The following RYK variants were observed in gnomAD, a reference collection of about 807,000 sequenced individuals.
RYK encodes the protein inactive tyrosine-protein kinase RYK.
A neutral mutation model predicts 70.2 loss-of-function variants in RYK; 21 were observed. That is an observed-to-expected ratio of 0.30 (90% confidence interval 0.21 to 0.43). The LOEUF (loss-of-function observed/expected upper bound fraction) is 0.43. Among genes scored for constraint, RYK ranks in the 20% least tolerant of loss-of-function variants. RYK has a pLI of 1.00. For synonymous variants in RYK, 267 were observed against 278.0 expected (o/e 0.96, Z 0.39); for missense variants, 604 against 753.3 (o/e 0.80, Z 2.32).
intron 13 of RYK, chr3:134,170,375 G>A (rs2012858124): frequency 6.6e-6 from 1 of 152,206 alleles, no homozygotes; most frequent in African/African-American, 2.4e-5. Flanking sequence ...TGATGTTAAA[G>A]TAATTCTCCT....
chr3:134,221,258 G>A (rs2014729058), intron 2 of RYK, among the ~76,000 whole-genome samples: 1 of 133,122 alleles, frequency 7.5e-6, no homozygotes, highest in Non-Finnish European at 1.5e-5. Flanking sequence ...AGGATGGAGT[G>A]CAGTGGTGCG....
intron 7 of RYK, among the ~76,000 whole-genome samples, chr3:134,193,663 A>G (rs2013720867): frequency 2.0e-5 from 3 of 152,206 alleles, no homozygotes; most frequent in South Asian, 2.1e-4. Context: ...GTATTTCCTA[A>G]AAAGCATATA....
intron 13 of RYK, among the ~76,000 whole-genome samples, chr3:134,170,225 G>A (rs1387236420): frequency 6.6e-6 from 1 of 152,184 alleles, no homozygotes; most frequent in African/African-American, 2.4e-5. Flanking sequence ...AAAGAAAAAT[G>A]TGAGCACTTT....
intron 1 of RYK, among the ~76,000 whole-genome samples, chr3:134,250,011 T>A (rs1259198515): frequency 6.8e-6 from 1 of 148,056 alleles, no homozygotes; most frequent in Non-Finnish European, 1.5e-5. Flanking sequence ...GTTTGCAAGT[T>A]CAGTCTAAAA....
intron 13 of RYK, among the ~76,000 whole-genome samples, chr3:134,174,814 C>G (rs2013040345): frequency 6.6e-6 from 1 of 151,600 alleles, no homozygotes; most frequent in Non-Finnish European, 1.5e-5. Flanking sequence ...GCAAAACCAC[C>G]CAGAAACTTG....
intron 2 of RYK, among the ~76,000 whole-genome samples, chr3:134,218,986 C>CA (rs1221358721): frequency 6.6e-6 from 1 of 151,770 alleles, no homozygotes. Context: ...TCATACCCTC[C>CA]AAAAAAAATC....
At chr3:134,192,080 G>GT in intron 7 of RYK, 106 bp from the exon 8 acceptor site, 1 of 1,078,244 alleles carries the variant, frequency 9.3e-7, no homozygotes, top group East Asian at 2.5e-5. Flanking sequence ...AGGAATGAGT[G>GT]TAAGAATCAT....
At chr3:134,205,240 T>C (rs909320823) in intron 5 of RYK, among the ~76,000 whole-genome samples, 3 of 152,156 alleles carry the variant, frequency 2.0e-5, no homozygotes, top group African/African-American at 4.8e-5. Context: ...AACTGACAGA[T>C]ATACAAGTTT....
At chr3:134,203,600 A>C (rs1330610421) in intron 5 of RYK, among the ~76,000 whole-genome samples, 1 of 152,232 alleles carries the variant, frequency 6.6e-6, no homozygotes, top group Non-Finnish European at 1.5e-5. Context: ...GTTTTGGCTT[A>C]AGCAATAACT....
chr3:134,185,010 C>T (rs1482347952), intron 9 of RYK, among the ~76,000 whole-genome samples: 1 of 148,752 alleles, frequency 6.7e-6, no homozygotes, highest in Non-Finnish European at 1.5e-5. Flanking sequence ...TGTTGCACAC[C>T]TGTATTCCTA....
intron 1 of RYK, among the ~76,000 whole-genome samples, chr3:134,245,261 C>A (rs929742143): frequency 2.0e-5 from 3 of 152,046 alleles, no homozygotes; most frequent in African/African-American, 7.2e-5. Flanking sequence ...AAAAAGACTG[C>A]CACACGTCAT....
chr3:134,216,792 CAAAAAAAAAAAAAAA>C (rs61441674), intron 2 of RYK, among the ~76,000 whole-genome samples: 2 of 37,420 alleles, frequency 5.3e-5, no homozygotes, highest in African/African-American at 2.0e-4. Context: ...GACTCTGTCT[CAAAAAAAAAAAAAAA>C]AAAAAAAAAA....
intron 2 of RYK, among the ~76,000 whole-genome samples, chr3:134,216,665 C>T (rs1188405378): frequency 2.6e-5 from 4 of 151,250 alleles, no homozygotes; most frequent in East Asian, 1.9e-4. Context: ...TGGTAGCGGG[C>T]GCCTGTTGAC....
chr3:134,169,481 T>C (rs760308327), intron 13 of RYK, among the ~76,000 whole-genome samples: 55 of 152,288 alleles, frequency 3.6e-4, no homozygotes, highest in Middle Eastern at 6.8e-3. Context: ...TTCTTAAGAA[T>C]GCCTACAATG....
At chr3:134,221,649 C>T (rs1159874847) in intron 2 of RYK, among the ~76,000 whole-genome samples, 1 of 152,074 alleles carries the variant, frequency 6.6e-6, no homozygotes, top group African/African-American at 2.4e-5. Context: ...TTATGACAGA[C>T]ACTACTCTAT....
In RYK at chr3:134,246,346, A is replaced by AGC. The variant is rs1430583082; in HGVS notation, c.232+4076_232+4077insGC. Among the ~76,000 whole-genome samples the AGC allele has an allele frequency of 1.1e-3, 155 of 144,938 alleles. 4 individuals carry two copies. Among genetic ancestry groups the AGC allele is most frequent in the African/African-American group, 3.8e-3 (144 of 37,666 alleles). ...CACACACACACACACACACACACAG[A>AGC]GAGAGAGAAAATAAAGGGTGGGAAT... On this transcript the variant is annotated intron_variant, in intron 1 of 14. Coordinates refer to ENST00000623711, the MANE Select transcript of RYK (RefSeq NM_002958.4).
rs141517276 is a variant in RYK, at chr3:134,212,944, A to G, written c.355-1337T>C. On this transcript the variant is annotated intron_variant, in intron 2 of 14. Transcript: ENST00000623711. ...CTTTGCAGTTAAGATAGGTACGTAA[A>G]CAACTGTTAAAGGCTGTGTTTGATA... 1.9e-3 allele frequency among the ~76,000 whole-genome samples: 285 copies of G among 150,656 alleles called. 3 individuals carry two copies. The highest frequency in any genetic ancestry group is 6.5e-3 in the African/African-American group (267 of 41,230).
chr3:134,248,786 G>A (rs899452924), intron 1 of RYK, among the ~76,000 whole-genome samples: 11 of 152,016 alleles, frequency 7.2e-5, no homozygotes, highest in Non-Finnish European at 1.6e-4. Flanking sequence ...TGACAAGAGC[G>A]AGACTCCGTC....
intron 4 of RYK, among the ~76,000 whole-genome samples, chr3:134,207,801 C>CT (rs1219616797): frequency 3.9e-5 from 6 of 152,150 alleles, no homozygotes; most frequent in African/African-American, 1.4e-4. Context: ...CTCTTTGGAG[C>CT]TTCACAGTGA....
Sources: gnomAD v4.1 joint callset for allele counts (sites outside exome capture counted in the v4.1 genomes callset) on GRCh38, gnomAD v4.1.1 for gene constraint, MANE v1.5 for transcripts, NCBI Gene and HGNC (gene_info 2026-07-23, HGNC 2026-07-21) for gene names.